CD300LB: variants seen among roughly 807,000 people sequenced by gnomAD.
CD300LB encodes the protein CD300 molecule like family member b.
A neutral mutation model predicts 20.8 loss-of-function variants in CD300LB; 18 were observed. That is an observed-to-expected ratio of 0.87 (90% CI 0.60 to 1.28). The LOEUF (loss-of-function observed/expected upper bound fraction) is 1.28, where lower values mean the gene tolerates loss of function less well. Ranked by LOEUF, CD300LB falls within the 50% of genes most tolerant of loss-of-function variation. The pLI, the probability that CD300LB is intolerant of heterozygous loss-of-function variation, is 0.00. For missense variants in CD300LB, 222 were observed against 251.8 expected (o/e 0.88, Z 0.80); for synonymous variants, 91 against 91.3 (o/e 1.00, Z 0.02).
Position 74,521,373 on chromosome 17 carries a change from A to C in CD300LB, c.*1365T>G. On this transcript the variant is annotated 3_prime_UTR_variant, in exon 4 of 4. Transcript: ENST00000392621. The stretch of plus-strand genomic sequence containing the variant: ...TTCGGGAAGCTGGATCCAGGAAAGC[A>C]TTCCAGGAGGTAGGGCCCTGGGGCT... 1 of 985,572 alleles carries C rather than the reference A, an allele frequency of 1.0e-6. No homozygotes were observed. The highest frequency in any genetic ancestry group is 1.2e-6 in the Non-Finnish European group (1 of 830,020). The allele number at this position is 985,572 out of a possible 1,614,324, so 61.1% of individuals were successfully genotyped here.
intron 2 of CD300LB, 96 bp downstream of exon 2, chr17:74,525,652 T>C: frequency 9.9e-7 from 1 of 1,008,198 alleles, no homozygotes; most frequent in Admixed American, 2.1e-5. Flanking sequence ...AGGCTCACCA[T>C]CATTCCCTTT....
chr17:74,523,988 C>A (rs1907959831), intron 2 of CD300LB, among the ~76,000 whole-genome samples: 1 of 152,148 alleles, frequency 6.6e-6, no homozygotes, highest in South Asian at 2.1e-4. Flanking sequence ...AATTTCTGGT[C>A]TTTTCCACTG....
intron 3 of CD300LB, 101 bp from the exon 4 acceptor site, chr17:74,523,001 G>T: frequency 8.5e-7 from 1 of 1,180,488 alleles, no homozygotes. Flanking sequence ...TGTGACCCTG[G>T]GCCGGGCAGC....
chr17:74,522,649 C>A lies in CD300LB; in HGVS notation c.*89G>T. 1 of 1,564,338 alleles carries A rather than the reference C, an allele frequency of 6.4e-7. No individual in the cohort carries two copies. On this transcript the variant is annotated 3_prime_UTR_variant, in exon 4 of 4. Coordinates refer to ENST00000392621, the MANE Select transcript of CD300LB (RefSeq NM_174892.4). ...CCCAGGGCCCCTATCTCAGTCACTG[C>A]ATCCCGAGGACTCGTAGATGTTCCT...
At position 74,521,687 on chromosome 17, in the gene CD300LB, G is replaced by A; in HGVS notation, c.*1051C>T. The A allele has an allele frequency of 1.0e-6, 1 of 985,512 alleles. No individual in the cohort carries two copies. Among genetic ancestry groups the A allele is most frequent in the Non-Finnish European group, 1.2e-6 (1 of 830,016 alleles). 61.0% of individuals were successfully genotyped at this position (985,512 alleles called of 1,614,324 possible). A position where few individuals can be genotyped will look rare whatever the true frequency, so the allele number is the denominator to read the frequency against. The stretch of plus-strand genomic sequence containing the variant: ...AGGCGTCCTCATGGGTGTTCAAAGG[G>A]CAACATGCCGAACATGTGTGGTGTG... On this transcript the variant is annotated 3_prime_UTR_variant, in exon 4 of 4. Transcript: ENST00000392621.
At position 74,521,988 on chromosome 17, in the gene CD300LB, G is replaced by C. The variant is rs534969597; in HGVS notation, c.*750C>G. On this transcript the variant is annotated 3_prime_UTR_variant, in exon 4 of 4. Coordinates refer to ENST00000392621, the MANE Select transcript of CD300LB (RefSeq NM_174892.4). ...TTCTTGAGGCCTGACAGGCTCTTTT[G>C]GGGAGGAGACCCAAGCTGTCATGCT... The C allele has an allele frequency of 1.0e-6, 1 of 985,450 alleles. No individual in the cohort carries two copies. The highest frequency in any genetic ancestry group is 6.1e-5 in the Admixed American group (1 of 16,286). The allele number at this position is 985,450 out of a possible 1,614,324, so 61.0% of individuals were successfully genotyped here.
In CD300LB at chr17:74,523,094, G is replaced by A. The variant is rs375934853; in HGVS notation, c.444-194C>T. The A allele has an allele frequency of 2.6e-5, 15 of 584,810 alleles. No homozygotes were observed. In the Middle Eastern group the frequency reaches 1.4e-3, roughly 54 times the overall value. 36.2% of individuals were successfully genotyped at this position (584,810 alleles called of 1,614,324 possible). ...ACAGTCACCTTGGCTGGTTTTGCAC[G>A]GGGCCCATCTTCCTTTCTAACATCA... On this transcript the variant is annotated intron_variant, in intron 3 of 3. Coordinates refer to ENST00000392621, the MANE Select transcript of CD300LB (RefSeq NM_174892.4).
chr17:74,523,410 G>A (rs1352422154), intron 3 of CD300LB, 169 bp downstream of exon 3: 3 of 627,920 alleles, frequency 4.8e-6, no homozygotes, highest in East Asian at 2.7e-5. Flanking sequence ...AGAGTGGGGA[G>A]ATGGTGGATT....
chr17:74,525,751 G>A lies in CD300LB; in HGVS notation c.367C>T (p.Pro123Ser). The change falls in exon 2 of 4, where the codon CCA becomes TCA. Residue 123 changes from proline (P) to serine (S), a missense_variant. By Grantham distance (74) the Pro-to-Ser change is moderately conservative. Coordinates refer to ENST00000392621, the MANE Select transcript of CD300LB (RefSeq NM_174892.4). ...LGTQVKVIVD[P>S]EGAASTTASS... is the part of the protein sequence containing the mutation. ...GTGTAGATGAGAAAGTTCTTACCTG[G>A]GTCAACGATCACTTTCACTTGAGTC... 6 of 1,612,040 alleles carry A rather than the reference G, an allele frequency of 3.7e-6. No homozygotes were observed. Among genetic ancestry groups the A allele is most frequent in the Non-Finnish European group, 5.1e-6 (6 of 1,178,808 alleles).
chr17:74,522,994 G>A, intron 3 of CD300LB, 94 bp from the exon 4 acceptor site: 1 of 1,269,410 alleles, frequency 7.9e-7, no homozygotes, highest in Non-Finnish European at 1.1e-6. Context: ...CAAAGCCTGT[G>A]ACCCTGGGCC....
chr17:74,522,118 G>A lies in CD300LB; in HGVS notation c.*620C>T, dbSNP rs561266249. 56 of 985,294 alleles carry A rather than the reference G, an allele frequency of 5.7e-5. No homozygotes were observed. The South Asian group carries it at 1.5e-3, about 26-fold the overall frequency. The allele number at this position is 985,294 out of a possible 1,614,324, so 61.0% of individuals were successfully genotyped here. Reference sequence around the variant, plus strand: ...GGAGGGGGAGGACAAGCACCGGGCCGGGCCAGGGAGGTTCCCATTGCCTCC... The same window carrying A: ...GGAGGGGGAGGACAAGCACCGGGCCAGGCCAGGGAGGTTCCCATTGCCTCC... On this transcript the variant is annotated 3_prime_UTR_variant, in exon 4 of 4. Transcript: ENST00000392621.
chr17:74,530,553 A>C (rs767225727), intron 1 of CD300LB, among the ~76,000 whole-genome samples: 55 of 29,830 alleles, frequency 1.8e-3, no homozygotes, highest in Non-Finnish European at 3.9e-3. Flanking sequence ...GTCCCCCAAC[A>C]CACACACACA....
chr17:74,525,745 T>C lies in CD300LB; in HGVS notation c.370+3A>G. 6.2e-7 allele frequency: 1 copy of C among 1,611,320 alleles called. No individual in the cohort carries two copies. On this transcript the variant is annotated splice_donor_region_variant and intron_variant, in intron 2 of 3. Transcript: ENST00000392621. ...CTCCTTGTGTAGATGAGAAAGTTCT[T>C]ACCTGGGTCAACGATCACTTTCACT...
rs137895820 is a variant in CD300LB at position 74,523,629 on chromosome 17, T to C, written c.393A>G (p.Ala131=). The C allele has an allele frequency of 4.3e-5, 70 of 1,613,596 alleles. No homozygotes were observed. The highest frequency in any genetic ancestry group is 5.5e-5 in the Non-Finnish European group (65 of 1,179,604). The change falls in exon 3 of 4, where the codon GCA becomes GCG. Residue 131 remains alanine (A), a synonymous_variant. Coordinates refer to ENST00000392621, the MANE Select transcript of CD300LB (RefSeq NM_174892.4). Reference sequence around the variant, plus strand: ...CCATATTGCTGTTGGTAGGTGAGCTTGCTGTTGTGGAAGCCGCTCCCTCTA... The same window carrying C: ...CCATATTGCTGTTGGTAGGTGAGCTCGCTGTTGTGGAAGCCGCTCCCTCTA... The part of the protein sequence containing the change: ...VDPEGAASTT[A]SSPTNSNMAV...
intron 1 of CD300LB, among the ~76,000 whole-genome samples, chr17:74,529,059 G>A (rs1598129591): frequency 1.3e-5 from 2 of 152,308 alleles, no homozygotes; most frequent in African/African-American, 4.8e-5. Context: ...GAGCCTGAGA[G>A]TTCAAGGCTG....
At position 74,522,684 on chromosome 17, in the gene CD300LB, C is replaced by T. The variant is rs117287121; in HGVS notation, c.*54G>A. On this transcript the variant is annotated 3_prime_UTR_variant, in exon 4 of 4. Transcript: ENST00000392621. Reference sequence around the variant, plus strand: ...ACTCGTAGATGTTCCTTCCACAGCCCGAGTCTCTTCTGGAAACGTGGCCAG... The same window carrying T: ...ACTCGTAGATGTTCCTTCCACAGCCTGAGTCTCTTCTGGAAACGTGGCCAG... 1.6e-3 allele frequency: 2,623 copies of T among 1,604,606 alleles called. 28 individuals carry two copies. The East Asian group carries it at 0.026, about 16-fold the overall frequency.
chr17:74,525,873 T>C lies in CD300LB; in HGVS notation c.245A>G (p.Gln82Arg). ...GGTCACAGTGAACGTGCGGTCTTTCTGATTGTCCTTGATGGACACACGGTC... is the reference window on the plus strand; with the variant it reads ...GGTCACAGTGAACGTGCGGTCTTTCCGATTGTCCTTGATGGACACACGGTC... ...KSDRVSIKDN[Q>R]KDRTFTVTME... The change falls in exon 2 of 4, where the codon CAG becomes CGG. Residue 82 changes from glutamine to arginine, a missense_variant. Gln to Arg is a conservative substitution (Grantham distance 43). Coordinates refer to ENST00000392621, the MANE Select transcript of CD300LB (RefSeq NM_174892.4). 6.2e-7 allele frequency: 1 copy of C among 1,614,202 alleles called. No individual in the cohort carries two copies. Among genetic ancestry groups the C allele is most frequent in the Non-Finnish European group, 8.5e-7 (1 of 1,180,040 alleles).
chr17:74,525,403 C>T (rs1598127283), intron 2 of CD300LB, among the ~76,000 whole-genome samples: 1 of 152,040 alleles, frequency 6.6e-6, no homozygotes, highest in Non-Finnish European at 1.5e-5. Flanking sequence ...TACTAGGACC[C>T]CCTGGGCAGC....
At position 74,522,548 on chromosome 17, in the gene CD300LB, C is replaced by T. The variant is rs541070213; in HGVS notation, c.*190G>A. ...GGCACCCCAGGAGGTGATGGTGGCT[C>T]AGGAGAGGACCTGGCTAAGTCCCTG... On this transcript the variant is annotated 3_prime_UTR_variant, in exon 4 of 4. Coordinates refer to ENST00000392621, the MANE Select transcript of CD300LB (RefSeq NM_174892.4). The T allele has an allele frequency of 1.3e-4, 177 of 1,380,270 alleles. No individual in the cohort carries two copies. The East Asian group carries it at 4.8e-3, about 38-fold the overall frequency. The allele number at this position is 1,380,270 out of a possible 1,614,324, so 85.5% of individuals were successfully genotyped here. A position where few individuals can be genotyped will look rare whatever the true frequency, so the allele number is the denominator to read the frequency against.
Sources: allele counts gnomAD v4.1 joint callset (sites outside exome capture counted in the v4.1 genomes callset), GRCh38; gene constraint gnomAD v4.1.1; transcripts MANE v1.5; gene names NCBI Gene and HGNC (gene_info 2026-07-23, HGNC 2026-07-21).